The following ERCC8 variants were observed in gnomAD, a reference collection of about 807,000 sequenced individuals.
The protein encoded by ERCC8 is DNA excision repair protein ERCC-8.
Under a neutral mutation model 54.9 loss-of-function variants are expected in ERCC8, and 52 were observed. The ratio of observed to expected loss-of-function variants is 0.95; its 90% CI spans 0.76 to 1.19. The LOEUF is 1.19. Among genes scored for constraint, ERCC8 ranks in the 50% most tolerant of loss-of-function variants. The pLI is 0.00. For missense variants in ERCC8, 514 were observed against 466.1 expected (o/e 1.10, Z -0.95); for synonymous variants, 146 against 157.2 (o/e 0.93, Z 0.53).
intron 2 of ERCC8, chr5:60,924,216 A>G (rs1352299048): frequency 6.6e-6 from 1 of 152,566 alleles, no homozygotes; most frequent in Non-Finnish European, 1.5e-5. Flanking sequence ...TGATATTAGC[A>G]GACAAACCAA....
At chr5:60,904,477 T>TA (rs1422481753) in intron 5 of ERCC8, among the ~76,000 whole-genome samples, 1 of 151,586 alleles carries the variant, frequency 6.6e-6, no homozygotes, top group Non-Finnish European at 1.5e-5. Context: ...TTTATTCATG[T>TA]AAAATCTCTG....
At chr5:60,887,290 G>A in intron 11 of ERCC8, 150 bp downstream of exon 11, 3 of 689,254 alleles carry the variant, frequency 4.4e-6, no homozygotes, top group Non-Finnish European at 7.9e-6. Flanking sequence ...GGGCTCAAGT[G>A]ATCATCTTGC....
At chr5:60,893,398 C>CCTCAT (rs1748625477) in intron 9 of ERCC8, 1 of 869,682 alleles carries the variant, frequency 1.1e-6, no homozygotes. Context: ...GCTGCTTCTC[C>CCTCAT]CTCATCTCCT....
chr5:60,925,634 G>T (rs1442324361), intron 2 of ERCC8, among the ~76,000 whole-genome samples: 2 of 152,110 alleles, frequency 1.3e-5, no homozygotes, highest in Non-Finnish European at 2.9e-5. Flanking sequence ...AAAAATGCTG[G>T]TAGTGCACAG....
intron 11 of ERCC8, among the ~76,000 whole-genome samples, chr5:60,878,246 T>G (rs1183661058): frequency 6.6e-6 from 1 of 152,198 alleles, no homozygotes; most frequent in Non-Finnish European, 1.5e-5. Flanking sequence ...GGATAAGCTT[T>G]TTGATGTGCT....
intron 10 of ERCC8, 87 bp from the exon 11 acceptor site, chr5:60,887,607 T>A (rs907139287): frequency 5.2e-6 from 5 of 970,148 alleles, no homozygotes; most frequent in South Asian, 3.9e-5. Flanking sequence ...AATAATTAGG[T>A]CATAATAATT....
intron 5 of ERCC8, 68 bp from the exon 6 acceptor site, chr5:60,903,784 T>A (rs1748972708): frequency 3.5e-6 from 5 of 1,424,340 alleles, no homozygotes; most frequent in Admixed American, 1.7e-5. Flanking sequence ...CAAGACATTA[T>A]CATTAGTAAT....
At chr5:60,908,777 C>G (rs1241479755) in intron 4 of ERCC8, among the ~76,000 whole-genome samples, 1 of 151,788 alleles carries the variant, frequency 6.6e-6, no homozygotes, top group Non-Finnish European at 1.5e-5. Flanking sequence ...CCCACCATTT[C>G]AAGATAAATG....
chr5:60,917,240 A>G (rs1023172319), intron 4 of ERCC8, among the ~76,000 whole-genome samples: 3 of 151,920 alleles, frequency 2.0e-5, no homozygotes, highest in Admixed American at 2.0e-4. Flanking sequence ...AATTGTAAAA[A>G]AAGATGTGAC....
rs144192593 is a variant in ERCC8, at chr5:60,936,928, C to T, written c.78-7969G>A. 4.0e-3 allele frequency among the ~76,000 whole-genome samples: 603 copies of T among 152,330 alleles called. 5 individuals are homozygous for T. Among genetic ancestry groups the T allele is most frequent in the African/African-American group, 0.013 (559 of 41,570 alleles). ...ACTATGTCAGAGGGAAGATCTGGGACTCAAGGGCTGCTCTGCAGATTCTTT... is the reference window on the plus strand; with the variant it reads ...ACTATGTCAGAGGGAAGATCTGGGATTCAAGGGCTGCTCTGCAGATTCTTT... On this transcript the variant is annotated intron_variant, in intron 1 of 11. Coordinates refer to ENST00000676185, the MANE Select transcript of ERCC8 (RefSeq NM_000082.4).
chr5:60,876,228 C>T (rs1341430200), intron 11 of ERCC8, among the ~76,000 whole-genome samples: 1 of 152,176 alleles, frequency 6.6e-6, no homozygotes, highest in Non-Finnish European at 1.5e-5. Context: ...TTTATGGCTG[C>T]ATAGTATTCC....
intron 10 of ERCC8, among the ~76,000 whole-genome samples, chr5:60,888,203 C>T (rs1231889967): frequency 6.6e-6 from 1 of 152,050 alleles, no homozygotes; most frequent in African/African-American, 2.4e-5. Context: ...CAATGTGAGG[C>T]ATGGTATAAT....
intron 9 of ERCC8, chr5:60,892,605 CCA>C: frequency 1.5e-6 from 1 of 670,490 alleles, no homozygotes. Flanking sequence ...AGTCTGGTAC[CCA>C]GAGAGAAGGT....
intron 7 of ERCC8, 102 bp downstream of exon 7, chr5:60,902,336 GAATT>G (rs1367486446): frequency 6.1e-6 from 5 of 826,168 alleles, no homozygotes; most frequent in Non-Finnish European, 7.8e-6. Flanking sequence ...TTAAAGGAGT[GAATT>G]AATAATTAAA....
intron 3 of ERCC8, among the ~76,000 whole-genome samples, chr5:60,918,969 G>A (rs1749521020): frequency 6.6e-6 from 1 of 152,008 alleles, no homozygotes; most frequent in African/African-American, 2.4e-5. Flanking sequence ...ACACCACCTT[G>A]TGAGGGTGGT....
At chr5:60,908,267 G>A (rs1277330470) in intron 4 of ERCC8, among the ~76,000 whole-genome samples, 1 of 151,536 alleles carries the variant, frequency 6.6e-6, no homozygotes, top group East Asian at 1.9e-4. Flanking sequence ...ACAAGGTTGA[G>A]CATTACAAAT....
At chr5:60,931,961 A>C (rs1749921315) in intron 1 of ERCC8, 1 of 152,106 alleles carries the variant, frequency 6.6e-6, no homozygotes, top group African/African-American at 2.4e-5. Flanking sequence ...CCCTCCCCCA[A>C]CAGCTTGGGC....
intron 10 of ERCC8, among the ~76,000 whole-genome samples, 177 bp downstream of exon 10, chr5:60,890,712 C>T (rs1364776601): frequency 6.6e-6 from 1 of 152,164 alleles, no homozygotes; most frequent in African/African-American, 2.4e-5. Context: ...TTGATTCATT[C>T]ATACATTGTA....
In ERCC8 at chr5:60,943,395, A is replaced by C. The variant is rs373276259; in HGVS notation, c.77+1537T>G. ...GTTTATTAACCGTGAGAAATAGCAT[A>C]AAAGTTTGCTACTAGCTTTTCAGTT... is the stretch of plus-strand genomic sequence containing the variant. On this transcript the variant is annotated intron_variant, in intron 1 of 11. Transcript: ENST00000676185. 1.5e-3 allele frequency among the ~76,000 whole-genome samples: 236 copies of C among 152,380 alleles called. 1 individual carries two copies. The highest frequency in any genetic ancestry group is 5.5e-3 in the African/African-American group (229 of 41,592).
Sources: allele counts gnomAD v4.1 joint callset (sites outside exome capture counted in the v4.1 genomes callset), GRCh38; gene constraint gnomAD v4.1.1; transcripts MANE v1.5; gene names NCBI Gene and HGNC (gene_info 2026-07-23, HGNC 2026-07-21).